KCNN4: variants seen among roughly 807,000 people sequenced by gnomAD.
The protein encoded by KCNN4 is potassium calcium-activated channel subfamily N member 4.
KCNN4 carries 31 observed loss-of-function variants against 45.2 expected under a neutral mutation model. The observed-to-expected ratio is 0.69, with a 90% confidence interval of 0.52 to 0.92. KCNN4 has a LOEUF of 0.92. Among genes scored for constraint, KCNN4 ranks in the 40% least tolerant of loss-of-function variants. KCNN4 has a pLI of 0.00. For missense variants in KCNN4, 463 were observed against 574.0 expected, an observed-to-expected ratio of 0.81 and a Z score of 1.98; for synonymous variants, 231 against 254.6, an observed-to-expected ratio of 0.91 and a Z score of 0.88.
intron 7 of KCNN4, 30 bp from the exon 8 acceptor site, chr19:43,767,737 G>A (rs778283190): frequency 2.3e-5 from 37 of 1,612,936 alleles, no homozygotes; most frequent in Middle Eastern, 3.3e-4. Context: ...CAGAGGTGTC[G>A]GGGCTGGGGT....
At chr19:43,779,703 C>T in intron 1 of KCNN4, among the ~76,000 whole-genome samples, 1 of 152,054 alleles carries the variant, frequency 6.6e-6, no homozygotes, top group Non-Finnish European at 1.5e-5. Context: ...CCCCACTTTC[C>T]CCTTTCTTCC....
intron 7 of KCNN4, 26 bp downstream of exon 7, chr19:43,768,937 G>T (rs770387163): frequency 6.2e-7 from 1 of 1,612,992 alleles, no homozygotes; most frequent in Admixed American, 1.7e-5. Flanking sequence ...CCTTCTTCAA[G>T]ACCTCCTCCC....
rs347524 is a variant in KCNN4 at position 43,772,832 on chromosome 19, C to T, written c.684-697G>A. Among the ~76,000 whole-genome samples, 5,061 of 152,234 alleles carry T rather than the reference C, an allele frequency of 0.033. 270 individuals are homozygous for T. Among genetic ancestry groups the T allele is most frequent in the African/African-American group, 0.11 (4,761 of 41,494 alleles). On this transcript the variant is annotated intron_variant, in intron 3 of 8. Coordinates refer to ENST00000648319, the MANE Select transcript of KCNN4 (RefSeq NM_002250.3). The surrounding 1 kb of genome is among the most constrained non-coding windows in gnomAD (Gnocchi z 4.4). ...GATGGAATCTGTACTGTTCACAAAC[C>T]CCACCCCCTCATTCCGAAGTACATT...
chr19:43,769,063 A>G lies in KCNN4; in HGVS notation c.1050-31T>C. 6.2e-7 allele frequency: 1 copy of G among 1,611,156 alleles called. No individual in the cohort carries two copies. The highest frequency in any genetic ancestry group is 8.5e-7 in the Non-Finnish European group (1 of 1,177,248). ...GGAAGAAGTGGGGAGTCAGTTTTACAAGCCTGGTCCCTGAATGTAGCTGTA... is the reference window on the plus strand; with the variant it reads ...GGAAGAAGTGGGGAGTCAGTTTTACGAGCCTGGTCCCTGAATGTAGCTGTA... On this transcript the variant is annotated intron_variant, in intron 6 of 8. Transcript: ENST00000648319. The surrounding 1 kb of genome is among the most constrained non-coding windows in gnomAD (Gnocchi z 4.4).
At position 43,774,712 on chromosome 19, in the gene KCNN4, G is replaced by T; in HGVS notation, c.256-93C>A. On this transcript the variant is annotated intron_variant, in intron 2 of 8. Coordinates refer to ENST00000648319, the MANE Select transcript of KCNN4 (RefSeq NM_002250.3). The surrounding 1 kb of genome is among the most constrained non-coding windows in gnomAD (Gnocchi z 5.6). ...GCCTGCCTGCGCCCTGAGATAAGTGGGGTGTGCCGCCTGGCCAGGAGGGAG... is the reference window on the plus strand; with the variant it reads ...GCCTGCCTGCGCCCTGAGATAAGTGTGGTGTGCCGCCTGGCCAGGAGGGAG... 8.8e-7 allele frequency: 1 copy of T among 1,136,812 alleles called. No homozygotes were observed. The highest frequency in any genetic ancestry group is 1.2e-6 in the Non-Finnish European group (1 of 844,786). 70.4% of individuals were successfully genotyped at this position (1,136,812 alleles called of 1,614,324 possible).
At chr19:43,777,989 C>T (rs766687955) in intron 1 of KCNN4, among the ~76,000 whole-genome samples, 12 of 152,146 alleles carry the variant, frequency 7.9e-5, no homozygotes, top group Admixed American at 2.6e-4. Context: ...CCAGCCCTCC[C>T]CCACCTTCTA....
chr19:43,768,881 T>C, intron 7 of KCNN4, 82 bp downstream of exon 7: 1 of 1,388,718 alleles, frequency 7.2e-7, no homozygotes, highest in African/African-American at 1.4e-5. Context: ...CTGCCAAGGT[T>C]CCCTGTTCTA....
At position 43,769,228 on chromosome 19, in the gene KCNN4, CAGG is replaced by C. The variant is rs1969566948; in HGVS notation, c.1050-199_1050-197del. The C allele has an allele frequency of 1.5e-6, 1 of 677,874 alleles. No individual in the cohort carries two copies. Among genetic ancestry groups the C allele is most frequent in the Non-Finnish European group, 2.6e-6 (1 of 390,084 alleles). 42.0% of individuals were successfully genotyped at this position (677,874 alleles called of 1,614,324 possible). A position where few individuals can be genotyped will look rare whatever the true frequency, so the allele number is the denominator to read the frequency against. On this transcript the variant is annotated intron_variant, in intron 6 of 8. Coordinates refer to ENST00000648319, the MANE Select transcript of KCNN4 (RefSeq NM_002250.3). This position sits in a 1 kb window ranked among gnomAD's most constrained non-coding sequence, Gnocchi z 4.4. ...CATCCCCAGTAGAAACCCAGGTACC[CAGG>C]TCCGCAGACACACCGAGATATGCGG...
chr19:43,769,077 A>C lies in KCNN4; in HGVS notation c.1050-45T>G. The C allele has an allele frequency of 6.3e-7, 1 of 1,591,886 alleles. No individual in the cohort carries two copies. The highest frequency in any genetic ancestry group is 2.2e-5 in the East Asian group (1 of 44,738). On this transcript the variant is annotated intron_variant, in intron 6 of 8. Transcript: ENST00000648319. This position sits in a 1 kb window ranked among gnomAD's most constrained non-coding sequence, Gnocchi z 4.4. ...GTCAGTTTTACAAGCCTGGTCCCTG[A>C]ATGTAGCTGTAGCTCAGGGGAGGAA... is the stretch of plus-strand genomic sequence containing the variant.
rs1189190577 is a variant in KCNN4, at chr19:43,769,614, G to A, written c.931-54C>T. ...AGATAGACCCTTACGGTTCTGGGAA[G>A]GCAGGGCTAGGGCTGGGACTCTTGG... On this transcript the variant is annotated intron_variant, in intron 5 of 8. Coordinates refer to ENST00000648319, the MANE Select transcript of KCNN4 (RefSeq NM_002250.3). The surrounding 1 kb of genome is among the most constrained non-coding windows in gnomAD (Gnocchi z 4.4). 1 of 1,582,664 alleles carries A rather than the reference G, an allele frequency of 6.3e-7. No individual in the cohort carries two copies. Among genetic ancestry groups the A allele is most frequent in the Non-Finnish European group, 8.7e-7 (1 of 1,151,626 alleles).
Position 43,769,807 on chromosome 19 carries a change from A to G in KCNN4, c.842T>C (p.Leu281Pro), listed in dbSNP as rs1277193020. 1 of 1,613,130 alleles carries G rather than the reference A, an allele frequency of 6.2e-7. No individual in the cohort carries two copies. The highest frequency in any genetic ancestry group is 8.5e-7 in the Non-Finnish European group (1 of 1,179,822). ...GVMGVCCTALLVAVVARKLEF... is the reference protein window; with the variant it reads ...GVMGVCCTALPVAVVARKLEF... ...CAGCTTCCGGGCCACCACGGCCACC[A>G]GCAGGGCTGTGCAGCAGACACCCTG... The change falls in exon 5 of 9, where the codon CTG becomes CCG. Residue 281 changes from leucine (L) to proline (P), a missense_variant. Leu to Pro is a moderately conservative substitution (Grantham distance 98). This residue lies in a region of KCNN4 where 109 missense variants were observed against 183.7 expected (regional missense o/e 0.59). Transcript: ENST00000648319. The surrounding 1 kb of genome is among the most constrained non-coding windows in gnomAD (Gnocchi z 4.4).
chr19:43,772,137 T>C lies in KCNN4; in HGVS notation c.684-2A>G. ...TGCCCAGTGGCATTAACAGCCTGCCTATGGGGAAGGGTAGGTTAGTTCTAA... is the reference window on the plus strand; with the variant it reads ...TGCCCAGTGGCATTAACAGCCTGCCCATGGGGAAGGGTAGGTTAGTTCTAA... On this transcript the variant is annotated splice_acceptor_variant, in intron 3 of 8. Coordinates refer to ENST00000648319, the MANE Select transcript of KCNN4 (RefSeq NM_002250.3). LOFTEE classifies it high-confidence loss of function. The surrounding 1 kb of genome is among the most constrained non-coding windows in gnomAD (Gnocchi z 4.4). 2 of 1,613,518 alleles carry C rather than the reference T, an allele frequency of 1.2e-6. No individual in the cohort carries two copies. The highest frequency in any genetic ancestry group is 1.7e-6 in the Non-Finnish European group (2 of 1,179,814).
Position 43,774,368 on chromosome 19 carries a change from C to T in KCNN4, c.507G>A (p.Leu169=), listed in dbSNP as rs755343769. The T allele has an allele frequency of 1.2e-5, 20 of 1,607,132 alleles. No individual in the cohort carries two copies. The highest frequency in any genetic ancestry group is 2.7e-5 in the African/African-American group (2 of 74,868). The change falls in exon 3 of 9, where the codon CTG becomes CTA. Residue 169 remains leucine, a synonymous_variant. Transcript: ENST00000648319. The surrounding 1 kb of genome is among the most constrained non-coding windows in gnomAD (Gnocchi z 5.6). ...RLYLVPRAVL[L]RSGVLLNASY... The stretch of plus-strand genomic sequence containing the variant: ...AAGCGTTGAGCAGGACGCCGCTGCG[C>T]AGGAGCACGGCGCGGGGCACCAGGT...
intron 4 of KCNN4, among the ~76,000 whole-genome samples, chr19:43,770,231 C>G (rs910371758): frequency 6.6e-6 from 1 of 152,092 alleles, no homozygotes; most frequent in African/African-American, 2.4e-5. Context: ...TCTCCTGGAC[C>G]GTCTCCAGCC....
At chr19:43,778,531 G>A (rs999778591) in intron 1 of KCNN4, among the ~76,000 whole-genome samples, 2 of 152,134 alleles carry the variant, frequency 1.3e-5, no homozygotes, top group Non-Finnish European at 1.5e-5. Flanking sequence ...GAGCCACCGC[G>A]CCCGGCCCTC....
Position 43,772,205 on chromosome 19 carries a change from T to C in KCNN4, c.684-70A>G. On this transcript the variant is annotated intron_variant, in intron 3 of 8. Coordinates refer to ENST00000648319, the MANE Select transcript of KCNN4 (RefSeq NM_002250.3). The surrounding 1 kb of genome is among the most constrained non-coding windows in gnomAD (Gnocchi z 4.4). ...TTCCATGATATTCACTCCCCTTCCCTCTATACCCTCCCATCCCCTTCCCTC... is the reference window on the plus strand; with the variant it reads ...TTCCATGATATTCACTCCCCTTCCCCCTATACCCTCCCATCCCCTTCCCTC... 1 of 1,563,970 alleles carries C rather than the reference T, an allele frequency of 6.4e-7. No homozygotes were observed. The highest frequency in any genetic ancestry group is 8.7e-7 in the Non-Finnish European group (1 of 1,148,506).
At chr19:43,776,717 A>T in intron 1 of KCNN4, 81 bp from the exon 2 acceptor site, 2 of 672,938 alleles carry the variant, frequency 3.0e-6, no homozygotes, top group Non-Finnish European at 5.0e-6. Flanking sequence ...CAAAACCACC[A>T]TTTTTTTTTT....
At chr19:43,777,575 C>T (rs1387820986) in intron 1 of KCNN4, among the ~76,000 whole-genome samples, 1 of 152,184 alleles carries the variant, frequency 6.6e-6, no homozygotes, top group African/African-American at 2.4e-5. Context: ...TTCTGCCCCC[C>T]TGCAGCTCCC....
In KCNN4 at chr19:43,772,760, G is replaced by A. The variant is rs1376203725; in HGVS notation, c.684-625C>T. Among the ~76,000 whole-genome samples the A allele has an allele frequency of 6.6e-5, 10 of 152,046 alleles. No individual in the cohort carries two copies. The East Asian group carries it at 1.3e-3, about 21-fold the overall frequency. The stretch of plus-strand genomic sequence containing the variant: ...CAGCAGGGAAAGCTTCATTCATGAG[G>A]GCCCCTGACACCCCAGACCCACCGG... On this transcript the variant is annotated intron_variant, in intron 3 of 8. Transcript: ENST00000648319. The surrounding 1 kb of genome is among the most constrained non-coding windows in gnomAD (Gnocchi z 4.4).
Sources: gnomAD v4.1 joint callset for allele counts (sites outside exome capture counted in the v4.1 genomes callset) on GRCh38, gnomAD v4.1.1 for gene constraint, gnomAD v4.1.1 regional missense constraint, Gnocchi (gnomAD v3.1) non-coding constraint, MANE v1.5 for transcripts, NCBI Gene and HGNC (gene_info 2026-07-23, HGNC 2026-07-21) for gene names.